The following ATXN1 variants were observed in gnomAD, a reference collection of about 807,000 sequenced individuals.
The protein encoded by ATXN1 is ataxin 1.
Under a neutral mutation model 56.4 loss-of-function variants are expected in ATXN1, and 8 were observed. The ratio of observed to expected loss-of-function variants is 0.14; its 90% CI spans 0.08 to 0.26. ATXN1 has a LOEUF of 0.26. Ranked by LOEUF, ATXN1 falls within the 10% of genes least tolerant of loss-of-function variation. The probability of loss-of-function intolerance (pLI) is 1.00; values close to 1 mark genes in which losing one functional copy is unlikely to be tolerated. For missense variants in ATXN1, 987 were observed against 1,106.5 expected, an observed-to-expected ratio of 0.89 and a Z score of 1.53; for synonymous variants, 514 against 494.6, an observed-to-expected ratio of 1.04 and a Z score of -0.52.
At chr6:16,636,265 A>C (rs1364107361) in intron 3 of ATXN1, among the ~76,000 whole-genome samples, 1 of 152,228 alleles carries the variant, frequency 6.6e-6, no homozygotes, top group Non-Finnish European at 1.5e-5. Context: ...GAGGTTGGTA[A>C]CTTTCCCAAG....
chr6:16,757,387 A>G (rs548989121), intron 1 of ATXN1, among the ~76,000 whole-genome samples: 15 of 152,242 alleles, frequency 9.9e-5, no homozygotes, highest in Admixed American at 3.3e-4. Flanking sequence ...GCATTTTTCT[A>G]TATGTTGCAA....
intron 2 of ATXN1, among the ~76,000 whole-genome samples, chr6:16,672,536 G>C (rs1218062328): frequency 6.6e-6 from 1 of 152,168 alleles, no homozygotes; most frequent in Admixed American, 6.5e-5. Context: ...TGACATTAAG[G>C]ATCTGGAGAT....
rs145402050 is a variant in ATXN1 at position 16,544,158 on chromosome 6, C to T, written c.-360-21470G>A. On this transcript the variant is annotated intron_variant, in intron 4 of 7. Transcript: ENST00000436367. ...AAGTCCCTCGCATGCTCCAGGTCTC[C>T]GATTCCACGCTCCTCGTCTTTCTCT... Among the ~76,000 whole-genome samples, 27 of 152,292 alleles carry T rather than the reference C, an allele frequency of 1.8e-4. No individual in the cohort carries two copies. In the Middle Eastern group the frequency reaches 0.017, roughly 96 times the overall value.
In ATXN1 at chr6:16,605,800, C is replaced by T. The variant is rs74895193; in HGVS notation, c.-488-19893G>A. 5.4e-3 allele frequency among the ~76,000 whole-genome samples: 821 copies of T among 152,158 alleles called. 8 individuals are homozygous for T. Among genetic ancestry groups the T allele is most frequent in the African/African-American group, 0.019 (783 of 41,508 alleles). On this transcript the variant is annotated intron_variant, in intron 3 of 7. Transcript: ENST00000436367. ...TCTGGAACAAGCTATAGAAACTTGCCGGGTCTATATTCCCTTAACCGTAAA... is the reference window on the plus strand; with the variant it reads ...TCTGGAACAAGCTATAGAAACTTGCTGGGTCTATATTCCCTTAACCGTAAA...
At position 16,300,969 on chromosome 6, in the gene ATXN1, T is replaced by C. The variant is rs1019340635; in HGVS notation, c.*5360A>G. On this transcript the variant is annotated 3_prime_UTR_variant, in exon 8 of 8. Coordinates refer to ENST00000436367, the MANE Select transcript of ATXN1 (RefSeq NM_001128164.2). ...ACAAAAATAACAATAAGCATAGGTA[T>C]AGTTTAAGAGCCTTTTACGTAGTAA... The C allele has an allele frequency of 1.3e-5, 2 of 152,598 alleles. No individual in the cohort carries two copies. The highest frequency in any genetic ancestry group is 4.8e-5 in the African/African-American group (2 of 41,444). 9.5% of individuals were successfully genotyped at this position (152,598 alleles called of 1,614,324 possible).
At chr6:16,739,894 C>A (rs775378853) in intron 2 of ATXN1, 9 of 456,950 alleles carry the variant, frequency 2.0e-5, no homozygotes, top group Non-Finnish European at 4.0e-5. Flanking sequence ...GAAGAGATGT[C>A]CACCAGCACT....
At chr6:16,442,921 A>G (rs1186904167) in intron 6 of ATXN1, among the ~76,000 whole-genome samples, 1 of 152,156 alleles carries the variant, frequency 6.6e-6, no homozygotes, top group African/African-American at 2.4e-5. Flanking sequence ...CTGAGGCACG[A>G]GAATTGCTTA....
At chr6:16,440,567 G>C (rs574704378) in intron 6 of ATXN1, among the ~76,000 whole-genome samples, 3 of 147,740 alleles carry the variant, frequency 2.0e-5, no homozygotes, top group African/African-American at 7.6e-5. Flanking sequence ...CTTGAACCCA[G>C]GAGCCAGAGG....
At chr6:16,658,388 A>G (rs78284375) in intron 2 of ATXN1, among the ~76,000 whole-genome samples, 4,042 of 152,304 alleles carry the variant, frequency 0.027, 79 homozygotes, top group South Asian at 0.076. Flanking sequence ...GATAAAGCAT[A>G]AGAGAGAGAA....
intron 1 of ATXN1, among the ~76,000 whole-genome samples, chr6:16,755,291 G>T (rs1219378255): frequency 1.3e-5 from 2 of 152,154 alleles, no homozygotes; most frequent in Non-Finnish European, 2.9e-5. Flanking sequence ...TATTCCATCA[G>T]AGGGAAGAAG....
At chr6:16,333,447 T>C (rs190292236) in intron 6 of ATXN1, among the ~76,000 whole-genome samples, 18 of 152,336 alleles carry the variant, frequency 1.2e-4, no homozygotes, top group African/African-American at 3.8e-4. Flanking sequence ...GCCCACTGAC[T>C]GCAAGTCCAG....
chr6:16,483,861 C>T (rs981040946), intron 6 of ATXN1, among the ~76,000 whole-genome samples: 1 of 152,126 alleles, frequency 6.6e-6, no homozygotes, highest in African/African-American at 2.4e-5. Flanking sequence ...AGCCTGAAAC[C>T]TAAAGCAGTT....
chr6:16,455,684 A>G (rs1189262580), intron 6 of ATXN1, among the ~76,000 whole-genome samples: 1 of 152,230 alleles, frequency 6.6e-6, no homozygotes, highest in East Asian at 1.9e-4. Context: ...CATACAATAG[A>G]ATATTATTCA....
chr6:16,672,150 C>T (rs992142160), intron 2 of ATXN1, among the ~76,000 whole-genome samples: 1 of 152,132 alleles, frequency 6.6e-6, no homozygotes, highest in African/African-American at 2.4e-5. Flanking sequence ...GTCCTAGGGC[C>T]TCTGGTCTAG....
intron 6 of ATXN1, among the ~76,000 whole-genome samples, chr6:16,480,106 C>T (rs548667457): frequency 3.1e-4 from 42 of 134,184 alleles, no homozygotes; most frequent in Admixed American, 7.8e-4. Context: ...GAGTTAAGAT[C>T]GTGCCACTGC....
intron 2 of ATXN1, among the ~76,000 whole-genome samples, chr6:16,699,723 C>T (rs1047213626): frequency 6.6e-6 from 1 of 152,122 alleles, no homozygotes; most frequent in African/African-American, 2.4e-5. Flanking sequence ...AAGACCTCAC[C>T]AACTTCCTCA....
At chr6:16,676,145 T>C (rs1421355980) in intron 2 of ATXN1, among the ~76,000 whole-genome samples, 1 of 152,136 alleles carries the variant, frequency 6.6e-6, no homozygotes, top group African/African-American at 2.4e-5. Flanking sequence ...CATTGGTAAG[T>C]GTGAGTGAGT....
intron 4 of ATXN1, among the ~76,000 whole-genome samples, chr6:16,559,322 G>C (rs1008434767): frequency 2.6e-4 from 39 of 151,020 alleles, no homozygotes; most frequent in African/African-American, 8.8e-4. Flanking sequence ...TATTTATAGA[G>C]AGTTGTTCAC....
intron 6 of ATXN1, among the ~76,000 whole-genome samples, chr6:16,456,938 G>A (rs1190629202): frequency 6.6e-6 from 1 of 152,130 alleles, no homozygotes; most frequent in African/African-American, 2.4e-5. Flanking sequence ...TATTCCCAAA[G>A]CTAGGATAGG....
Sources: allele counts gnomAD v4.1 joint callset (sites outside exome capture counted in the v4.1 genomes callset), GRCh38; gene constraint gnomAD v4.1.1; transcripts MANE v1.5; gene names NCBI Gene and HGNC (gene_info 2026-07-23, HGNC 2026-07-21).